The following CDYL2 variants were observed in gnomAD, a reference collection of about 807,000 sequenced individuals.
The protein encoded by CDYL2 is chromodomain Y-like protein 2.
In CDYL2, 23 loss-of-function variants were observed where a neutral mutation model predicts 49.4. The ratio of observed to expected loss-of-function variants is 0.47; its 90% confidence interval spans 0.34 to 0.66. The LOEUF (loss-of-function observed/expected upper bound fraction) is 0.66, where lower values mean the gene tolerates loss of function less well. CDYL2 is among the 30% of genes least tolerant of loss of function. The pLI is 0.01. For missense variants in CDYL2, 678 were observed against 656.4 expected (o/e 1.03, Z -0.36); for synonymous variants, 360 against 268.8 (o/e 1.34, Z -3.32).
intron 6 of CDYL2, among the ~76,000 whole-genome samples, chr16:80,605,267 T>C (rs1003617836): frequency 1.7e-4 from 26 of 150,220 alleles, no homozygotes; most frequent in Admixed American, 1.2e-3. Context: ...ACATATTATG[T>C]ATTATATACA....
At chr16:80,690,388 T>C (rs1188787866) in intron 1 of CDYL2, among the ~76,000 whole-genome samples, 1 of 152,106 alleles carries the variant, frequency 6.6e-6, no homozygotes, top group Non-Finnish European at 1.5e-5. Flanking sequence ...GCTGATAACA[T>C]ACCACCATCA....
intron 1 of CDYL2, among the ~76,000 whole-genome samples, chr16:80,706,115 C>G (rs1904395966): frequency 6.6e-6 from 1 of 152,214 alleles, no homozygotes; most frequent in Admixed American, 6.5e-5. Flanking sequence ...GCATCTTTCC[C>G]TCAAAATAAC....
At chr16:80,631,468 G>C (rs1300320965) in intron 3 of CDYL2, among the ~76,000 whole-genome samples, 1 of 152,134 alleles carries the variant, frequency 6.6e-6, no homozygotes, top group Admixed American at 6.5e-5. Context: ...ACTGCATTAA[G>C]TATTCATTGT....
chr16:80,777,218 C>T (rs1020355728), intron 1 of CDYL2, among the ~76,000 whole-genome samples: 1 of 152,092 alleles, frequency 6.6e-6, no homozygotes, highest in Non-Finnish European at 1.5e-5. Context: ...GAAGGGGGCA[C>T]ACAGAGGACT....
intron 2 of CDYL2, among the ~76,000 whole-genome samples, chr16:80,656,584 C>T (rs1012474367): frequency 5.9e-5 from 9 of 152,208 alleles, no homozygotes; most frequent in Non-Finnish European, 1.3e-4. Flanking sequence ...TCCTTCTGTT[C>T]CCCTCAAGAC....
intron 3 of CDYL2, among the ~76,000 whole-genome samples, chr16:80,622,815 C>A (rs916716949): frequency 1.3e-5 from 2 of 152,200 alleles, no homozygotes; most frequent in African/African-American, 2.4e-5. Context: ...TGTGTTTGCG[C>A]TCTTCAAAGG....
chr16:80,636,075 A>C (rs1907810068), intron 2 of CDYL2, among the ~76,000 whole-genome samples: 1 of 152,202 alleles, frequency 6.6e-6, no homozygotes, highest in Non-Finnish European at 1.5e-5. Context: ...AAGATGGATT[A>C]GACTTAAAAG....
rs192425709 is a variant in CDYL2, at chr16:80,622,108, T to A, written c.835-1173A>T. On this transcript the variant is annotated intron_variant, in intron 3 of 6. Coordinates refer to ENST00000570137, the MANE Select transcript of CDYL2 (RefSeq NM_152342.4). The stretch of plus-strand genomic sequence containing the variant: ...GCCCTGGCCTGGCTCACACAATGCC[T>A]AGTCTATGCACTTTGACACTGCAAA... Among the ~76,000 whole-genome samples the A allele has an allele frequency of 8.9e-4, 135 of 152,340 alleles. 1 individual carries two copies. Among genetic ancestry groups the A allele is most frequent in the African/African-American group, 3.1e-3 (129 of 41,570 alleles).
chr16:80,783,535 AC>A (rs1427098253), intron 1 of CDYL2, among the ~76,000 whole-genome samples: 1 of 152,202 alleles, frequency 6.6e-6, no homozygotes, highest in East Asian at 1.9e-4. Flanking sequence ...TCAAACAGAT[AC>A]TGGTAAGCCA....
At chr16:80,781,672 A>G (rs1440161620) in intron 1 of CDYL2, among the ~76,000 whole-genome samples, 1 of 151,122 alleles carries the variant, frequency 6.6e-6, no homozygotes, top group Non-Finnish European at 1.5e-5. Context: ...AAAATCTGAG[A>G]AAAAAAAGGA....
chr16:80,646,171 T>G (rs1426651584), intron 2 of CDYL2, among the ~76,000 whole-genome samples: 1 of 151,900 alleles, frequency 6.6e-6, no homozygotes, highest in African/African-American at 2.4e-5. Flanking sequence ...TATCTTCCAC[T>G]GGGTCCCTCC....
intron 2 of CDYL2, among the ~76,000 whole-genome samples, chr16:80,672,876 T>C (rs1044846009): frequency 6.6e-6 from 1 of 152,226 alleles, no homozygotes; most frequent in African/African-American, 2.4e-5. Context: ...TTATTGTCAT[T>C]ATTAACAGCA....
chr16:80,691,204 C>A (rs1246635561), intron 1 of CDYL2, among the ~76,000 whole-genome samples: 1 of 152,176 alleles, frequency 6.6e-6, no homozygotes, highest in Non-Finnish European at 1.5e-5. Flanking sequence ...CTTTCTGCAT[C>A]CTTTCAACAT....
chr16:80,658,151 A>T lies in CDYL2; in HGVS notation c.617-24915T>A, dbSNP rs1170201337. The stretch of plus-strand genomic sequence containing the variant: ...AGAAGAATAAACCAGAAAACAATGA[A>T]ATTGATTATCACAAGTGGTTGGCAG... On this transcript the variant is annotated intron_variant, in intron 2 of 6. Transcript: ENST00000570137. Among the ~76,000 whole-genome samples the T allele has an allele frequency of 2.6e-5, 4 of 152,174 alleles. No individual in the cohort carries two copies. In the East Asian group the frequency reaches 7.7e-4, roughly 29 times the overall value.
At chr16:80,656,116 G>A (rs760586229) in intron 2 of CDYL2, among the ~76,000 whole-genome samples, 3 of 152,160 alleles carry the variant, frequency 2.0e-5, no homozygotes, top group Admixed American at 6.5e-5. Context: ...TAAAAGGTAG[G>A]GGCTAAAAGT....
At chr16:80,666,914 G>A (rs1909288154) in intron 2 of CDYL2, among the ~76,000 whole-genome samples, 1 of 152,202 alleles carries the variant, frequency 6.6e-6, no homozygotes, top group South Asian at 2.1e-4. Context: ...TGGTGATACA[G>A]CTGTGAACAA....
chr16:80,775,845 T>C (rs1167785544), intron 1 of CDYL2, among the ~76,000 whole-genome samples: 1 of 151,158 alleles, frequency 6.6e-6, no homozygotes, highest in Admixed American at 6.6e-5. Flanking sequence ...TATATATCTA[T>C]ATCTTAATTA....
At chr16:80,789,394 G>A (rs1312542337) in intron 1 of CDYL2, among the ~76,000 whole-genome samples, 1 of 152,180 alleles carries the variant, frequency 6.6e-6, no homozygotes, top group Non-Finnish European at 1.5e-5. Flanking sequence ...GAGGTCAGGA[G>A]TTCAAGACCA....
At chr16:80,788,624 T>C (rs965573376) in intron 1 of CDYL2, among the ~76,000 whole-genome samples, 4 of 152,214 alleles carry the variant, frequency 2.6e-5, no homozygotes, top group Non-Finnish European at 5.9e-5. Flanking sequence ...AGGAAAAGCA[T>C]AGGCATTTTA....
Sources: gnomAD v4.1 joint callset for allele counts (sites outside exome capture counted in the v4.1 genomes callset) on GRCh38, gnomAD v4.1.1 for gene constraint, MANE v1.5 for transcripts, NCBI Gene and HGNC (gene_info 2026-07-23, HGNC 2026-07-21) for gene names.